KBTBD12: variants seen among roughly 807,000 people sequenced by gnomAD.
The protein encoded by KBTBD12 is kelch repeat and BTB domain-containing protein 12.
In KBTBD12, 53 loss-of-function variants were observed where a neutral mutation model predicts 58.7. The observed-to-expected ratio is 0.90, with a 90% confidence interval of 0.72 to 1.14. The LOEUF is 1.14. Ranked by LOEUF, KBTBD12 falls within the 50% of genes most tolerant of loss-of-function variation. KBTBD12 has a pLI of 0.00. For synonymous variants in KBTBD12, 236 were observed against 259.8 expected (o/e 0.91, Z 0.88); for missense variants, 704 against 751.3 (o/e 0.94, Z 0.74).
intron 4 of KBTBD12, among the ~76,000 whole-genome samples, chr3:127,936,806 A>T (rs1055137029): frequency 6.6e-6 from 1 of 152,202 alleles, no homozygotes; most frequent in African/African-American, 2.4e-5. Flanking sequence ...AACCTGCCTT[A>T]CATCTCTCAT....
intron 4 of KBTBD12, among the ~76,000 whole-genome samples, chr3:127,953,988 C>CT (rs34790940): frequency 0.2 from 30,104 of 151,876 alleles, 3,398 homozygotes; most frequent in South Asian, 0.38. Context: ...TTCCTTTTGA[C>CT]TTTTTTTTCC....
rs16838986 is a variant in KBTBD12, at chr3:127,920,921, G to A, written c.-112-2029G>A. ...AGTAACTTCCCATTTATATCACCGA[G>A]AACATTTATACAGTTTTGTTTTGCT... On this transcript the variant is annotated intron_variant, in intron 1 of 5. Transcript: ENST00000405109. 6.0e-3 allele frequency among the ~76,000 whole-genome samples: 908 copies of A among 151,756 alleles called. 10 individuals are homozygous for A. Among genetic ancestry groups the A allele is most frequent in the African/African-American group, 0.021 (857 of 41,378 alleles).
At chr3:127,940,033 A>T (rs1193086408) in intron 4 of KBTBD12, among the ~76,000 whole-genome samples, 2 of 152,204 alleles carry the variant, frequency 1.3e-5, no homozygotes, top group African/African-American at 4.8e-5. Context: ...ACATAATGAT[A>T]AAATAATTGA....
chr3:127,949,121 C>T (rs555984489), intron 4 of KBTBD12, among the ~76,000 whole-genome samples: 5 of 152,078 alleles, frequency 3.3e-5, no homozygotes, highest in Admixed American at 1.3e-4. Flanking sequence ...GAATTCCATG[C>T]GATGATTGCT....
intron 4 of KBTBD12, among the ~76,000 whole-genome samples, chr3:127,961,758 C>G (rs559383447): frequency 2.1e-4 from 32 of 152,214 alleles, no homozygotes; most frequent in Non-Finnish European, 4.0e-4. Flanking sequence ...AGGCACTGGG[C>G]TAGGTACTAG....
chr3:127,949,185 TTGACTC>T (rs1371963129), intron 4 of KBTBD12, among the ~76,000 whole-genome samples: 1 of 152,156 alleles, frequency 6.6e-6, no homozygotes, highest in Admixed American at 6.5e-5. Context: ...CACAGAGAGA[TTGACTC>T]TGAGCTTACT....
intron 1 of KBTBD12, among the ~76,000 whole-genome samples, chr3:127,920,457 G>A (rs926142081): frequency 6.7e-6 from 1 of 150,338 alleles, no homozygotes; most frequent in Non-Finnish European, 1.5e-5. Flanking sequence ...CTCCTATTAA[G>A]GGATGTTTAA....
chr3:127,981,405 T>C (rs1436637552), intron 5 of KBTBD12, among the ~76,000 whole-genome samples: 1 of 152,186 alleles, frequency 6.6e-6, no homozygotes, highest in Non-Finnish European at 1.5e-5. Flanking sequence ...TGCTATCCAA[T>C]AAATAGTCAT....
chr3:127,969,147 G>T (rs1288005662), intron 5 of KBTBD12, among the ~76,000 whole-genome samples: 1 of 152,028 alleles, frequency 6.6e-6, no homozygotes, highest in Non-Finnish European at 1.5e-5. Context: ...ATAACTAATT[G>T]CATATGACAT....
intron 5 of KBTBD12, among the ~76,000 whole-genome samples, chr3:127,974,121 A>G (rs1308061219): frequency 6.6e-6 from 1 of 152,238 alleles, no homozygotes; most frequent in East Asian, 1.9e-4. Flanking sequence ...CAGAACTGGC[A>G]TAGACAAAAT....
chr3:127,962,253 G>A (rs1940455983), intron 4 of KBTBD12, among the ~76,000 whole-genome samples: 1 of 152,218 alleles, frequency 6.6e-6, no homozygotes. Context: ...ATATGGCCCT[G>A]ACCTTGATGA....
chr3:127,974,927 C>A (rs1332034050), intron 5 of KBTBD12, among the ~76,000 whole-genome samples: 1 of 152,146 alleles, frequency 6.6e-6, no homozygotes, highest in Non-Finnish European at 1.5e-5. Flanking sequence ...AATCCAAGAT[C>A]GCACCACTGC....
chr3:127,953,950 A>T (rs1940265065), intron 4 of KBTBD12, among the ~76,000 whole-genome samples: 1 of 152,052 alleles, frequency 6.6e-6, no homozygotes, highest in Non-Finnish European at 1.5e-5. Context: ...CCCTAAGTGG[A>T]AACACAGGTA....
chr3:127,948,274 G>A (rs1940128101), intron 4 of KBTBD12, among the ~76,000 whole-genome samples: 2 of 152,204 alleles, frequency 1.3e-5, no homozygotes, highest in South Asian at 2.1e-4. Context: ...GGCCACTTCA[G>A]TGCCATCCTA....
chr3:127,921,948 G>C (rs1247609607), intron 1 of KBTBD12, among the ~76,000 whole-genome samples: 3 of 152,124 alleles, frequency 2.0e-5, no homozygotes, highest in Non-Finnish European at 4.4e-5. Flanking sequence ...ATCTAGAAAT[G>C]TATTAACTTT....
chr3:127,917,746 C>A (rs774491357), intron 1 of KBTBD12, among the ~76,000 whole-genome samples: 1 of 152,116 alleles, frequency 6.6e-6, no homozygotes, highest in African/African-American at 2.4e-5. Context: ...TTTATAGTAT[C>A]ACAATAAATT....
intron 5 of KBTBD12, among the ~76,000 whole-genome samples, chr3:127,973,711 C>G (rs1379464452): frequency 6.6e-6 from 1 of 152,096 alleles, no homozygotes; most frequent in Non-Finnish European, 1.5e-5. Context: ...ATTATTGACT[C>G]TAGATGCAGA....
rs1040136851 is a variant in KBTBD12 at position 127,986,940 on chromosome 3, C to T, written c.*2662C>T. On this transcript the variant is annotated 3_prime_UTR_variant, in exon 6 of 6. Coordinates refer to ENST00000405109, the MANE Select transcript of KBTBD12 (RefSeq NM_207335.4). The stretch of plus-strand genomic sequence containing the variant: ...GCTCAGCAGAGGCACCTGAGGGTCA[C>T]GCTAGGTGAGACCATCGCCCGCCTG... 5 of 152,396 alleles carry T rather than the reference C, an allele frequency of 3.3e-5. No individual in the cohort carries two copies. Among genetic ancestry groups the T allele is most frequent in the Non-Finnish European group, 7.3e-5 (5 of 68,246 alleles). The allele number at this position is 152,396 out of a possible 1,614,324, so 9.4% of individuals were successfully genotyped here.
At chr3:127,962,271 G>A (rs1348501459) in intron 4 of KBTBD12, among the ~76,000 whole-genome samples, 4 of 152,242 alleles carry the variant, frequency 2.6e-5, no homozygotes, top group Non-Finnish European at 5.9e-5. Context: ...TGACCTTCCA[G>A]TGTGGACTTG....
Sources: gnomAD v4.1 joint callset for allele counts (sites outside exome capture counted in the v4.1 genomes callset) on GRCh38, gnomAD v4.1.1 for gene constraint, MANE v1.5 for transcripts, NCBI Gene and HGNC (gene_info 2026-07-23, HGNC 2026-07-21) for gene names.